Variants in KLRK1 observed in about 807,000 individuals in gnomAD.
KLRK1 encodes the protein NKG2-D type II integral membrane protein.
Under a neutral mutation model 31.3 loss-of-function variants are expected in KLRK1, and 40 were observed. The observed-to-expected ratio is 1.28, with a 90% CI of 0.99 to 1.67. KLRK1 has a LOEUF of 1.67. KLRK1 is among the 40% of genes most tolerant of loss of function. KLRK1 has a pLI of 0.00. For missense variants in KLRK1, 251 were observed against 260.0 expected, an observed-to-expected ratio of 0.97 and a Z score of 0.24; for synonymous variants, 77 against 77.3, an observed-to-expected ratio of 1.00 and a Z score of 0.02.
chr12:10,375,811 A>AT (rs1195367718), intron 7 of KLRK1, among the ~76,000 whole-genome samples: 1 of 152,208 alleles, frequency 6.6e-6, no homozygotes, highest in Non-Finnish European at 1.5e-5. Flanking sequence ...AATCTGGAGA[A>AT]TTACAACTAT....
At chr12:10,379,111 AG>A (rs1863019710) in intron 5 of KLRK1, 1 of 171,000 alleles carries the variant, frequency 5.8e-6, no homozygotes, top group African/African-American at 2.4e-5. Context: ...GGTACTTGGG[AG>A]GCTGAGGCAT....
chr12:10,384,722 C>T (rs1397884836), intron 3 of KLRK1, among the ~76,000 whole-genome samples: 2 of 151,930 alleles, frequency 1.3e-5, no homozygotes, highest in African/African-American at 4.8e-5. Flanking sequence ...AAAGTACAGG[C>T]AACAAAAGCA....
chr12:10,378,699 T>G lies in KLRK1; in HGVS notation c.284A>C (p.Tyr95Ser). Residue 95 changes from tyrosine to serine, a missense_variant, in exon 6 of 8, where the codon TAC (tyrosine) becomes TCC (serine). Coordinates refer to ENST00000240618, the MANE Select transcript of KLRK1 (RefSeq NM_007360.4). ...QEVQIPLTES[Y>S]CGPCPKNWIC... ...CCAGTTTTTAGGACATGGGCCACAG[T>G]AACTTTCTGGAAAAGGAGAATATAT... 1.3e-6 allele frequency: 2 copies of G among 1,594,352 alleles called. No homozygotes were observed. The highest frequency in any genetic ancestry group is 1.7e-6 in the Non-Finnish European group (2 of 1,174,678).
rs141717786 is a variant in KLRK1, at chr12:10,379,745, G to T, written c.196C>A (p.Arg66Ser). Residue 66 changes from arginine to serine, a missense_variant, in exon 4 of 8, where the codon CGT becomes AGT. Transcript: ENST00000240618. The part of the protein sequence containing the change: ...CCFIAVAMGI[R>S]FIIMVTIWSA... ...CATATTGTTACCATAATAATGAAAC[G>T]GATTCCCATGGCTACAGCGATGAAG... 3.1e-6 allele frequency: 5 copies of T among 1,611,810 alleles called. No individual in the cohort carries two copies. The South Asian group carries it at 5.5e-5, about 18-fold the overall frequency.
chr12:10,377,108 C>T (rs1302469823), intron 7 of KLRK1, among the ~76,000 whole-genome samples: 1 of 152,168 alleles, frequency 6.6e-6, no homozygotes, highest in East Asian at 1.9e-4. Flanking sequence ...TAAACCACTG[C>T]ACCCAGCCAG....
intron 5 of KLRK1, 190 bp downstream of exon 5, chr12:10,379,257 A>G: frequency 5.5e-6 from 1 of 180,458 alleles, no homozygotes. Flanking sequence ...GAGAAAGATG[A>G]TGTCAAACCT....
intron 7 of KLRK1, among the ~76,000 whole-genome samples, chr12:10,377,107 G>A (rs1368694141): frequency 2.0e-5 from 3 of 152,156 alleles, no homozygotes; most frequent in Non-Finnish European, 4.4e-5. Flanking sequence ...ATAAACCACT[G>A]CACCCAGCCA....
At position 10,381,579 on chromosome 12, in the gene KLRK1, G is replaced by A. The variant is rs1591583279; in HGVS notation, c.149-1787C>T. Among the ~76,000 whole-genome samples the A allele has an allele frequency of 3.3e-5, 5 of 152,108 alleles. No individual in the cohort carries two copies. In the South Asian group the frequency reaches 6.2e-4, roughly 19 times the overall value. On this transcript the variant is annotated intron_variant, in intron 3 of 7. Transcript: ENST00000240618. ...TGATAGAGGAGAAAAAAATCAATGG[G>A]TAGGCAAAACAACAGGTATATCAGA...
At chr12:10,382,882 C>T (rs1024712276) in intron 3 of KLRK1, among the ~76,000 whole-genome samples, 6 of 151,244 alleles carry the variant, frequency 4.0e-5, no homozygotes, top group African/African-American at 1.5e-4. Flanking sequence ...TTAGTTTTTT[C>T]TTTTGTTGTT....
chr12:10,378,696 C>T lies in KLRK1; in HGVS notation c.287G>A (p.Cys96Tyr), dbSNP rs1863011196. Reference protein sequence around the residue: ...EVQIPLTESYCGPCPKNWICY... With the variant: ...EVQIPLTESYYGPCPKNWICY... ...TATCCAGTTTTTAGGACATGGGCCA[C>T]AGTAACTTTCTGGAAAAGGAGAATA... Residue 96 changes from cysteine to tyrosine, a missense_variant, in exon 6 of 8, where the codon TGT becomes TAT. Transcript: ENST00000240618. 1 of 1,594,450 alleles carries T rather than the reference C, an allele frequency of 6.3e-7. No homozygotes were observed. Among genetic ancestry groups the T allele is most frequent in the Non-Finnish European group, 8.5e-7 (1 of 1,174,710 alleles).
At chr12:10,378,460 C>T in intron 6 of KLRK1, 94 bp downstream of exon 6, 1 of 1,553,068 alleles carries the variant, frequency 6.4e-7, no homozygotes, top group Admixed American at 2.1e-5. Flanking sequence ...AACCAAGTCA[C>T]AGTGTCCCTT....
Position 10,388,754 on chromosome 12 carries a change from A to T in KLRK1, c.40+17T>A. The T allele has an allele frequency of 6.2e-7, 1 of 1,612,846 alleles. No individual in the cohort carries two copies. The highest frequency in any genetic ancestry group is 8.5e-7 in the Non-Finnish European group (1 of 1,179,890). ...TGTATAAAAACAAAACTACACACTT[A>T]TGTGGTAAAAACATACCCCAGCTGT... On this transcript the variant is annotated intron_variant, in intron 2 of 7. Coordinates refer to ENST00000240618, the MANE Select transcript of KLRK1 (RefSeq NM_007360.4).
At position 10,372,825 on chromosome 12, in the gene KLRK1, A is replaced by C. The variant is rs144470428; in HGVS notation, c.*289T>G. ...CCTGGGTGTTGGTCCTACCTTTAGA[A>C]ATTAAAACAGCACCCCTCCCCCAGC... On this transcript the variant is annotated 3_prime_UTR_variant, in exon 8 of 8. Transcript: ENST00000240618. The C allele has an allele frequency of 7.6e-4, 254 of 334,716 alleles. 1 individual carries two copies. The highest frequency in any genetic ancestry group is 5.3e-3 in the African/African-American group (235 of 44,654). The allele number at this position is 334,716 out of a possible 1,614,324, so 20.7% of individuals were successfully genotyped here. A position where few individuals can be genotyped will look rare whatever the true frequency, so the allele number is the denominator to read the frequency against.
intron 3 of KLRK1, 42 bp downstream of exon 3, chr12:10,386,861 T>C (rs1863175042): frequency 6.7e-7 from 1 of 1,499,712 alleles, no homozygotes. Flanking sequence ...CCAAGATTCA[T>C]TTCAATATAC....
rs1302867130 is a variant in KLRK1 at position 10,372,535 on chromosome 12, A to T, written c.*579T>A. On this transcript the variant is annotated 3_prime_UTR_variant, in exon 8 of 8. Coordinates refer to ENST00000240618, the MANE Select transcript of KLRK1 (RefSeq NM_007360.4). ...AGTCATGGGACTCAAGCAAGTACAA[A>T]TCATAGCAAAGGAAACGTCCTAAGA... The T allele has an allele frequency of 2.0e-5, 3 of 148,842 alleles. No homozygotes were observed. The highest frequency in any genetic ancestry group is 4.4e-5 in the Non-Finnish European group (3 of 68,312). The allele number at this position is 148,842 out of a possible 1,614,324, so 9.2% of individuals were successfully genotyped here. A position where few individuals can be genotyped will look rare whatever the true frequency, so the allele number is the denominator to read the frequency against.
Position 10,386,893 on chromosome 12 carries a change from T to A in KLRK1, c.148+10A>T. 6.2e-7 allele frequency: 1 copy of A among 1,608,614 alleles called. No homozygotes were observed. The highest frequency in any genetic ancestry group is 8.5e-7 in the Non-Finnish European group (1 of 1,176,856). ...ATACTGAGAGTAGACAAATGGAACATAGGACTTACCATTTTCTCTACATTT... is the reference window on the plus strand; with the variant it reads ...ATACTGAGAGTAGACAAATGGAACAAAGGACTTACCATTTTCTCTACATTT... On this transcript the variant is annotated intron_variant, in intron 3 of 7. Transcript: ENST00000240618.
chr12:10,382,651 A>G (rs1863096990), intron 3 of KLRK1, among the ~76,000 whole-genome samples: 1 of 151,704 alleles, frequency 6.6e-6, no homozygotes, highest in Admixed American at 6.5e-5. Context: ...ATTTGAATGT[A>G]TAAAACTCAC....
intron 3 of KLRK1, among the ~76,000 whole-genome samples, chr12:10,385,846 T>C (rs1021294021): frequency 6.6e-6 from 1 of 152,038 alleles, no homozygotes; most frequent in Admixed American, 6.6e-5. Context: ...ATTGTATAGT[T>C]GAATGGAAAT....
At chr12:10,384,681 T>C (rs1863134573) in intron 3 of KLRK1, among the ~76,000 whole-genome samples, 1 of 151,972 alleles carries the variant, frequency 6.6e-6, no homozygotes, top group South Asian at 2.1e-4. Context: ...AGGACATTAG[T>C]CTAGGCAAAG....
Sources: gnomAD v4.1 joint callset for allele counts (sites outside exome capture counted in the v4.1 genomes callset) on GRCh38, gnomAD v4.1.1 for gene constraint, MANE v1.5 for transcripts, NCBI Gene and HGNC (gene_info 2026-07-23, HGNC 2026-07-21) for gene names.